Variants in CTNNA2 observed in about 807,000 individuals in gnomAD.
The protein encoded by CTNNA2 is catenin alpha-2.
CTNNA2 carries 42 observed loss-of-function variants against 101.0 expected under a neutral mutation model. The ratio of observed to expected loss-of-function variants is 0.42; its 90% confidence interval spans 0.32 to 0.54. The LOEUF is 0.54. Among genes scored for constraint, CTNNA2 ranks in the 20% least tolerant of loss-of-function variants. The pLI is 0.14. For synonymous variants in CTNNA2, 450 were observed against 456.4 expected (o/e 0.99, Z 0.18); for missense variants, 871 against 1,223.1 (o/e 0.71, Z 4.29).
intron 9 of CTNNA2, among the ~76,000 whole-genome samples, chr2:80,444,924 C>T (rs539708859): frequency 9.3e-4 from 141 of 152,264 alleles, no homozygotes; most frequent in Non-Finnish European, 1.5e-3. Flanking sequence ...AGCAGCATCC[C>T]TGGCCTCTCC....
chr2:79,322,060 G>A (rs569467873), intron 3 of CTNNA2, among the ~76,000 whole-genome samples: 1 of 152,150 alleles, frequency 6.6e-6, no homozygotes, highest in East Asian at 1.9e-4. Context: ...GGACAACTGT[G>A]ATCACAGAAA....
chr2:79,758,019 G>A (rs182863012), intron 3 of CTNNA2, among the ~76,000 whole-genome samples: 2 of 152,268 alleles, frequency 1.3e-5, no homozygotes, highest in Admixed American at 1.3e-4. Context: ...TGACACATCA[G>A]TTGTAAAGTT....
intron 9 of CTNNA2, among the ~76,000 whole-genome samples, chr2:80,453,842 C>T (rs961064656): frequency 6.6e-6 from 1 of 152,082 alleles, no homozygotes; most frequent in African/African-American, 2.4e-5. Flanking sequence ...TGGTAATTTC[C>T]ACTGAATGTC....
intron 7 of CTNNA2, among the ~76,000 whole-genome samples, chr2:79,991,713 A>G (rs1692193240): frequency 6.6e-6 from 1 of 152,192 alleles, no homozygotes; most frequent in Admixed American, 6.5e-5. Context: ...GCCCATGATC[A>G]GTGAGATGCA....
At chr2:80,343,470 G>A (rs1381282542) in intron 7 of CTNNA2, among the ~76,000 whole-genome samples, 3 of 150,920 alleles carry the variant, frequency 2.0e-5, no homozygotes, top group Non-Finnish European at 1.5e-5. Flanking sequence ...GAGAAAAAAG[G>A]ATGAAAATGA....
At chr2:80,562,129 A>G (rs1693657898) in intron 12 of CTNNA2, among the ~76,000 whole-genome samples, 1 of 131,740 alleles carries the variant, frequency 7.6e-6, no homozygotes, top group African/African-American at 2.5e-5. Flanking sequence ...TTATTTCACT[A>G]TCTTAGGACT....
At chr2:79,775,963 G>A (rs1673931768) in intron 3 of CTNNA2, among the ~76,000 whole-genome samples, 1 of 152,190 alleles carries the variant, frequency 6.6e-6, no homozygotes, top group African/African-American at 2.4e-5. Flanking sequence ...GGGTATGAGT[G>A]AGAGGGAATT....
chr2:79,434,252 C>G (rs1461356923), intron 4 of CTNNA2, among the ~76,000 whole-genome samples: 2 of 138,558 alleles, frequency 1.4e-5, no homozygotes, highest in African/African-American at 5.4e-5. Flanking sequence ...GAGCTATAAT[C>G]ATACAGCTAC....
intron 2 of CTNNA2, among the ~76,000 whole-genome samples, chr2:79,669,979 A>G (rs982389076): frequency 2.0e-5 from 3 of 152,032 alleles, no homozygotes; most frequent in Admixed American, 6.5e-5. Context: ...CCCCAACCCC[A>G]CTCCAAGATC....
intron 3 of CTNNA2, among the ~76,000 whole-genome samples, chr2:79,321,063 G>A (rs534704329): frequency 2.6e-5 from 4 of 152,260 alleles, no homozygotes; most frequent in South Asian, 2.1e-4. Context: ...CTGTTATTAC[G>A]TAATCACAAC....
intron 7 of CTNNA2, among the ~76,000 whole-genome samples, chr2:79,982,202 AT>A (rs1411308001): frequency 1.3e-4 from 3 of 22,982 alleles, no homozygotes; most frequent in East Asian, 2.5e-3. Flanking sequence ...CTATATATAT[AT>A]ATATATATAT....
intron 7 of CTNNA2, among the ~76,000 whole-genome samples, chr2:80,089,507 A>G (rs985780528): frequency 6.6e-6 from 1 of 150,492 alleles, no homozygotes; most frequent in African/African-American, 2.4e-5. Flanking sequence ...CTTCCTTCCA[A>G]CCAATTACGC....
At chr2:79,531,231 T>G (rs1328452080) in intron 1 of CTNNA2, among the ~76,000 whole-genome samples, 1 of 122,736 alleles carries the variant, frequency 8.1e-6, no homozygotes, top group Non-Finnish European at 1.7e-5. Flanking sequence ...TATATATATA[T>G]ATATAGCTTG....
chr2:79,721,477 CAT>C (rs1177819862), intron 2 of CTNNA2, among the ~76,000 whole-genome samples: 1 of 152,204 alleles, frequency 6.6e-6, no homozygotes, highest in African/African-American at 2.4e-5. Context: ...TTCCAATCAA[CAT>C]ATGAATTTGG....
chr2:79,739,707 C>T (rs879705190), intron 2 of CTNNA2, among the ~76,000 whole-genome samples: 2 of 152,216 alleles, frequency 1.3e-5, no homozygotes, highest in Admixed American at 6.5e-5. Flanking sequence ...CTACCAAGAC[C>T]TAGTGTCAGT....
intron 1 of CTNNA2, among the ~76,000 whole-genome samples, chr2:79,645,709 A>T (rs1305249931): frequency 6.6e-6 from 1 of 152,210 alleles, no homozygotes; most frequent in Admixed American, 6.5e-5. Flanking sequence ...CAAAGAAGAA[A>T]AACCATCACT....
intron 2 of CTNNA2, among the ~76,000 whole-genome samples, chr2:79,220,764 G>T (rs562957989): frequency 2.0e-5 from 3 of 152,086 alleles, no homozygotes; most frequent in African/African-American, 7.2e-5. Context: ...TTATATTCTA[G>T]CATGACCTTA....
intron 1 of CTNNA2, among the ~76,000 whole-genome samples, chr2:79,186,967 T>G (rs1312906169): frequency 6.6e-6 from 1 of 152,208 alleles, no homozygotes; most frequent in Non-Finnish European, 1.5e-5. Flanking sequence ...TCTACCTCTT[T>G]TATACAATGC....
intron 2 of CTNNA2, among the ~76,000 whole-genome samples, chr2:79,294,023 G>T (rs907378045): frequency 6.6e-6 from 1 of 152,040 alleles, no homozygotes; most frequent in African/African-American, 2.4e-5. Flanking sequence ...CGCTTGGTCT[G>T]CCATAACAAA....
Sources: gnomAD v4.1 joint callset for allele counts (sites outside exome capture counted in the v4.1 genomes callset) on GRCh38, gnomAD v4.1.1 for gene constraint, MANE v1.5 for transcripts, NCBI Gene and HGNC (gene_info 2026-07-23, HGNC 2026-07-21) for gene names.